The following CPA6 variants were observed in gnomAD, a reference collection of about 807,000 sequenced individuals.
CPA6 encodes carboxypeptidase B.
A neutral mutation model predicts 63.3 loss-of-function variants in CPA6; 58 were observed. The ratio of observed to expected loss-of-function variants is 0.92; its 90% CI spans 0.74 to 1.14. The LOEUF (loss-of-function observed/expected upper bound fraction) is 1.14, where lower values mean the gene tolerates loss of function less well. Among genes scored for constraint, CPA6 ranks in the 50% most tolerant of loss-of-function variants. The pLI is 0.00. For synonymous variants in CPA6, 185 were observed against 179.0 expected, an observed-to-expected ratio of 1.03 and a Z score of -0.27; for missense variants, 565 against 526.6, an observed-to-expected ratio of 1.07 and a Z score of -0.71.
chr8:67,522,819 A>C (rs539409414), intron 2 of CPA6, among the ~76,000 whole-genome samples: 50 of 152,332 alleles, frequency 3.3e-4, no homozygotes, highest in African/African-American at 1.1e-3. Context: ...TGGTGGATGC[A>C]GTGGGCAGGC....
At chr8:67,484,594 C>A (rs771191622) in intron 7 of CPA6, 85 bp downstream of exon 7, 38 of 676,220 alleles carry the variant, frequency 5.6e-5, no homozygotes, top group South Asian at 1.7e-4. Flanking sequence ...GCCTGTCCAG[C>A]TTCTTTCCTG....
chr8:67,460,709 C>A (rs1810780244), intron 8 of CPA6, among the ~76,000 whole-genome samples: 3 of 152,134 alleles, frequency 2.0e-5, no homozygotes, highest in Admixed American at 2.0e-4. Flanking sequence ...AAATTTATTG[C>A]ATTATAATAA....
chr8:67,719,916 G>T (rs1457606533), intron 1 of CPA6, among the ~76,000 whole-genome samples: 1 of 152,136 alleles, frequency 6.6e-6, no homozygotes, highest in African/African-American at 2.4e-5. Context: ...ATCCACATCC[G>T]TGTCCAGCAA....
chr8:67,475,861 TTCTTTC>T (rs1356652771), intron 8 of CPA6, among the ~76,000 whole-genome samples: 1 of 98,974 alleles, frequency 1.0e-5, no homozygotes, highest in African/African-American at 4.3e-5. Flanking sequence ...CTTTCTTTCT[TTCTTTC>T]TTTCTTTCTT....
intron 1 of CPA6, among the ~76,000 whole-genome samples, chr8:67,719,927 C>G (rs913892844): frequency 3.9e-4 from 60 of 152,228 alleles, no homozygotes; most frequent in African/African-American, 1.3e-3. Flanking sequence ...TGTCCAGCAA[C>G]CAACTGGACA....
intron 1 of CPA6, among the ~76,000 whole-genome samples, chr8:67,726,528 A>G (rs1356526366): frequency 6.6e-6 from 1 of 152,210 alleles, no homozygotes; most frequent in Non-Finnish European, 1.5e-5. Context: ...GGGCTTGTTC[A>G]GGCTTGGAAA....
At chr8:67,651,630 C>T (rs191557302) in intron 1 of CPA6, among the ~76,000 whole-genome samples, 9 of 152,114 alleles carry the variant, frequency 5.9e-5, no homozygotes, top group East Asian at 3.9e-4. Flanking sequence ...ATTTTGGTTT[C>T]GGTTTTCCTT....
chr8:67,655,541 C>G (rs1815964296), intron 1 of CPA6, among the ~76,000 whole-genome samples: 1 of 152,156 alleles, frequency 6.6e-6, no homozygotes, highest in Non-Finnish European at 1.5e-5. Context: ...CTCAAAACTG[C>G]TAAAAAATAA....
intron 2 of CPA6, among the ~76,000 whole-genome samples, chr8:67,523,975 G>A (rs1280458474): frequency 1.3e-5 from 2 of 152,348 alleles, no homozygotes; most frequent in South Asian, 4.1e-4. Context: ...TATGTGCCAT[G>A]TCATAGGATT....
intron 2 of CPA6, among the ~76,000 whole-genome samples, chr8:67,571,584 T>A (rs1446188000): frequency 6.6e-6 from 1 of 152,014 alleles, no homozygotes; most frequent in Non-Finnish European, 1.5e-5. Context: ...TCAAAAAACA[T>A]ACTACTTAGC....
chr8:67,552,499 C>T (rs963279014), intron 2 of CPA6, among the ~76,000 whole-genome samples: 2 of 152,026 alleles, frequency 1.3e-5, no homozygotes, highest in Non-Finnish European at 2.9e-5. Flanking sequence ...GATGGCCGGG[C>T]ACGGTGGCTC....
intron 1 of CPA6, among the ~76,000 whole-genome samples, chr8:67,693,656 G>A (rs150108403): frequency 3.5e-4 from 53 of 152,338 alleles, no homozygotes; most frequent in African/African-American, 1.3e-3. Flanking sequence ...TGCCATGTGA[G>A]GACAGAGTAA....
chr8:67,476,329 G>A (rs1811236576), intron 8 of CPA6, among the ~76,000 whole-genome samples: 1 of 152,084 alleles, frequency 6.6e-6, no homozygotes, highest in African/African-American at 2.4e-5. Context: ...CCATGAAAAT[G>A]TGGGCTACAA....
At chr8:67,496,755 T>C (rs775989823) in intron 6 of CPA6, among the ~76,000 whole-genome samples, 1 of 151,730 alleles carries the variant, frequency 6.6e-6, no homozygotes, top group Non-Finnish European at 1.5e-5. Flanking sequence ...GAAATGGGGT[T>C]TCACCATGTT....
chr8:67,447,506 T>TACAC (rs56840320), intron 8 of CPA6, among the ~76,000 whole-genome samples: 2,609 of 142,612 alleles, frequency 0.018, 29 homozygotes, highest in Middle Eastern at 0.028. Flanking sequence ...TATGTGTGTA[T>TACAC]ACACACACAC....
At chr8:67,728,717 A>T (rs1817650823) in intron 1 of CPA6, among the ~76,000 whole-genome samples, 1 of 152,226 alleles carries the variant, frequency 6.6e-6, no homozygotes, top group Non-Finnish European at 1.5e-5. Flanking sequence ...ACATATATGA[A>T]CTTATTCAAT....
intron 1 of CPA6, among the ~76,000 whole-genome samples, chr8:67,728,050 C>G (rs1817631404): frequency 6.7e-6 from 1 of 150,056 alleles, no homozygotes; most frequent in South Asian, 2.1e-4. Context: ...AGCACTCTAG[C>G]CTGGGCGACG....
chr8:67,562,073 A>T (rs1813225715), intron 2 of CPA6, among the ~76,000 whole-genome samples: 1 of 152,188 alleles, frequency 6.6e-6, no homozygotes, highest in Non-Finnish European at 1.5e-5. Flanking sequence ...ATTAGAGCTC[A>T]GGTGATCTCT....
intron 6 of CPA6, among the ~76,000 whole-genome samples, chr8:67,499,118 C>G (rs562058153): frequency 6.6e-6 from 1 of 152,236 alleles, no homozygotes; most frequent in African/African-American, 2.4e-5. Context: ...GTTTTCTGAG[C>G]TTTGTGTTTT....
Sources: allele counts gnomAD v4.1 joint callset (sites outside exome capture counted in the v4.1 genomes callset), GRCh38; gene constraint gnomAD v4.1.1; transcripts MANE v1.5; gene names NCBI Gene and HGNC (gene_info 2026-07-23, HGNC 2026-07-21).